Variants in CCDC178 observed in about 807,000 individuals in gnomAD.
The protein encoded by CCDC178 is coiled-coil domain-containing protein 178.
CCDC178 carries 126 observed loss-of-function variants against 117.4 expected under a neutral mutation model. That is an observed-to-expected ratio of 1.07 (90% CI 0.93 to 1.24). The LOEUF (loss-of-function observed/expected upper bound fraction) is 1.24. CCDC178 is among the 50% of genes most tolerant of loss of function. The pLI is 0.00. For missense variants in CCDC178, 1,030 were observed against 986.9 expected (o/e 1.04, Z -0.59); for synonymous variants, 283 against 313.4 (o/e 0.90, Z 1.02).
At chr18:32,949,424 A>G (rs1182241453) in intron 22 of CCDC178, among the ~76,000 whole-genome samples, 3 of 152,046 alleles carry the variant, frequency 2.0e-5, no homozygotes, top group Non-Finnish European at 4.4e-5. Context: ...GGTGTTCTTC[A>G]TTTTTAAAAC....
chr18:33,249,736 G>A (rs1020652104), intron 14 of CCDC178, among the ~76,000 whole-genome samples: 2 of 152,072 alleles, frequency 1.3e-5, no homozygotes, highest in African/African-American at 4.8e-5. Flanking sequence ...GCTTAGGATT[G>A]ACTTGGCAAT....
At chr18:33,377,282 C>CT (rs1378007515) in intron 5 of CCDC178, among the ~76,000 whole-genome samples, 1 of 149,304 alleles carries the variant, frequency 6.7e-6, no homozygotes, top group Non-Finnish European at 1.5e-5. Flanking sequence ...TTGCCCACTT[C>CT]TTAATAGGGT....
At chr18:33,057,091 A>C (rs1164068158) in intron 21 of CCDC178, among the ~76,000 whole-genome samples, 1 of 152,158 alleles carries the variant, frequency 6.6e-6, no homozygotes, top group Non-Finnish European at 1.5e-5. Flanking sequence ...AATAAAAGAC[A>C]TTATTTATTC....
chr18:32,981,498 A>T (rs1408766664), intron 21 of CCDC178, among the ~76,000 whole-genome samples: 1 of 152,220 alleles, frequency 6.6e-6, no homozygotes, highest in Non-Finnish European at 1.5e-5. Flanking sequence ...TATAGTTTAT[A>T]TATAACTCTG....
chr18:33,209,443 T>C (rs927137612), intron 20 of CCDC178, among the ~76,000 whole-genome samples: 1 of 152,044 alleles, frequency 6.6e-6, no homozygotes, highest in Middle Eastern at 3.2e-3. Flanking sequence ...GATCCATAAT[T>C]GTGATCAATT....
intron 11 of CCDC178, among the ~76,000 whole-genome samples, chr18:33,312,527 G>A (rs887219386): frequency 3.3e-5 from 5 of 152,230 alleles, no homozygotes; most frequent in African/African-American, 9.6e-5. Flanking sequence ...CATGAAAGAC[G>A]AGGAATTGCC....
intron 8 of CCDC178, among the ~76,000 whole-genome samples, chr18:33,347,871 G>A (rs2062918378): frequency 6.7e-6 from 1 of 149,950 alleles, no homozygotes; most frequent in Non-Finnish European, 1.5e-5. Flanking sequence ...TTTTTTTCTT[G>A]AGTGCCATCT....
chr18:33,434,413 C>A (rs2064262195), intron 2 of CCDC178, among the ~76,000 whole-genome samples: 1 of 152,026 alleles, frequency 6.6e-6, no homozygotes, highest in Admixed American at 6.6e-5. Context: ...TATATTTGGA[C>A]CCTACTGATA....
intron 20 of CCDC178, among the ~76,000 whole-genome samples, chr18:33,164,055 T>A (rs2058497622): frequency 6.6e-6 from 1 of 152,028 alleles, no homozygotes; most frequent in Non-Finnish European, 1.5e-5. Context: ...CAAATTTGCT[T>A]ACATTAATCA....
chr18:33,391,201 GA>G (rs2063560073), intron 4 of CCDC178, among the ~76,000 whole-genome samples: 1 of 150,788 alleles, frequency 6.6e-6, no homozygotes, highest in Non-Finnish European at 1.5e-5. Context: ...GACTAAATAT[GA>G]ACAAATCTAG....
At chr18:33,130,682 T>C (rs1467320129) in intron 20 of CCDC178, among the ~76,000 whole-genome samples, 4 of 151,978 alleles carry the variant, frequency 2.6e-5, no homozygotes, top group Non-Finnish European at 5.9e-5. Flanking sequence ...CTAATTACCA[T>C]GGCTGAGATT....
At chr18:32,968,778 C>CATGTTTTCTA (rs1448501635) in intron 22 of CCDC178, among the ~76,000 whole-genome samples, 1 of 151,894 alleles carries the variant, frequency 6.6e-6, no homozygotes, top group African/African-American at 2.4e-5. Flanking sequence ...GTCCAAAATG[C>CATGTTTTCTA]ATGTTTTCTA....
chr18:33,068,176 A>G (rs1195269288), intron 21 of CCDC178, among the ~76,000 whole-genome samples: 1 of 152,174 alleles, frequency 6.6e-6, no homozygotes, highest in Non-Finnish European at 1.5e-5. Flanking sequence ...TCAGTAGTAA[A>G]AAGTCTTTCA....
chr18:33,344,803 GCACACACACACACACACACACA>G (rs63067861), intron 9 of CCDC178, among the ~76,000 whole-genome samples: 11 of 120,876 alleles, frequency 9.1e-5, no homozygotes, highest in South Asian at 3.0e-4. Flanking sequence ...TGCCTCTAAA[GCACACACACACACACACACACA>G]CACACACACA....
intron 2 of CCDC178, among the ~76,000 whole-genome samples, chr18:33,431,010 G>A (rs1199830946): frequency 6.7e-6 from 1 of 150,332 alleles, no homozygotes; most frequent in African/African-American, 2.4e-5. Flanking sequence ...AGGAGGCGGA[G>A]CTTGCAGTGA....
intron 20 of CCDC178, among the ~76,000 whole-genome samples, chr18:33,194,691 C>T (rs1299447636): frequency 6.6e-6 from 1 of 151,878 alleles, no homozygotes; most frequent in African/African-American, 2.4e-5. Flanking sequence ...TTTCATACAA[C>T]AGTTGATATG....
chr18:33,297,740 C>T (rs917501442), intron 11 of CCDC178, among the ~76,000 whole-genome samples: 1 of 152,004 alleles, frequency 6.6e-6, no homozygotes, highest in Admixed American at 6.6e-5. Context: ...TTCTATTGAA[C>T]CTTTAAAGAA....
At chr18:33,301,531 A>G (rs1387369487) in intron 11 of CCDC178, among the ~76,000 whole-genome samples, 2 of 152,106 alleles carry the variant, frequency 1.3e-5, no homozygotes, top group African/African-American at 4.8e-5. Flanking sequence ...CTCAACTCCA[A>G]CTCATGAGAA....
intron 21 of CCDC178, among the ~76,000 whole-genome samples, chr18:33,049,305 TAACTCA>T (rs2056701861): frequency 4.6e-5 from 7 of 152,256 alleles, no homozygotes; most frequent in Admixed American, 3.3e-4. Context: ...CAATACCCTA[TAACTCA>T]AGGATAAGTT....
Sources: gnomAD v4.1 joint callset for allele counts (sites outside exome capture counted in the v4.1 genomes callset) on GRCh38, gnomAD v4.1.1 for gene constraint, MANE v1.5 for transcripts, NCBI Gene and HGNC (gene_info 2026-07-23, HGNC 2026-07-21) for gene names.